The following CTNNA3 variants were observed in gnomAD, a reference collection of about 807,000 sequenced individuals.
The protein encoded by CTNNA3 is catenin alpha 3.
CTNNA3 carries 76 observed loss-of-function variants against 95.7 expected under a neutral mutation model. That is an observed-to-expected ratio of 0.79 (90% CI 0.66 to 0.96). The LOEUF is 0.96. Ranked by LOEUF, CTNNA3 falls within the 40% of genes least tolerant of loss-of-function variation. The pLI is 0.00. For missense variants in CTNNA3, 1,191 were observed against 1,089.8 expected (o/e 1.09, Z -1.31); for synonymous variants, 431 against 374.4 (o/e 1.15, Z -1.74).
At position 66,470,646 on chromosome 10, in the gene CTNNA3, G is replaced by C. The variant is rs1589294969; in HGVS notation, c.1531+49971C>G. Among the ~76,000 whole-genome samples, 4 of 151,828 alleles carry C rather than the reference G, an allele frequency of 2.6e-5. No homozygotes were observed. The South Asian group carries it at 8.3e-4, about 32-fold the overall frequency. On this transcript the variant is annotated intron_variant, in intron 11 of 17. Transcript: ENST00000433211. ...ATAAAGAAAAAGGAAGAATATATTA[G>C]AGTTGGACAAGCCAGCAAAAGAGAC...
At chr10:67,744,285 G>A (rs1214351175) in intron 1 of CTNNA3, among the ~76,000 whole-genome samples, 1 of 151,132 alleles carries the variant, frequency 6.6e-6, no homozygotes, top group African/African-American at 2.4e-5. Context: ...AAACAGCATG[G>A]TACTGGTACC....
intron 3 of CTNNA3, among the ~76,000 whole-genome samples, chr10:67,559,636 C>T (rs563720754): frequency 2.3e-4 from 35 of 152,174 alleles, no homozygotes; most frequent in Middle Eastern, 3.4e-3. Flanking sequence ...CGAAGCTGGA[C>T]GGAGAATGAC....
chr10:67,043,886 A>G (rs779106566), intron 7 of CTNNA3, among the ~76,000 whole-genome samples: 4 of 151,050 alleles, frequency 2.6e-5, no homozygotes, highest in Non-Finnish European at 5.9e-5. Context: ...TCTGTAGGCA[A>G]TCTGACAATT....
intron 7 of CTNNA3, among the ~76,000 whole-genome samples, chr10:66,789,419 C>A (rs1389018552): frequency 6.6e-6 from 1 of 152,126 alleles, no homozygotes; most frequent in African/African-American, 2.4e-5. Context: ...AGATAATCCA[C>A]CCGCCTCAGC....
intron 5 of CTNNA3, among the ~76,000 whole-genome samples, chr10:67,350,634 G>A (rs1842597774): frequency 6.7e-6 from 1 of 148,990 alleles, no homozygotes; most frequent in Admixed American, 6.7e-5. Context: ...ACCCAAAGAT[G>A]ACTGAGAAAC....
At chr10:66,655,353 C>T (rs1846039506) in intron 9 of CTNNA3, among the ~76,000 whole-genome samples, 1 of 151,906 alleles carries the variant, frequency 6.6e-6, no homozygotes, top group Non-Finnish European at 1.5e-5. Flanking sequence ...TAAACCTTAA[C>T]AGATAGTTAT....
chr10:66,148,319 A>C (rs1317396132), intron 13 of CTNNA3, among the ~76,000 whole-genome samples: 6 of 152,108 alleles, frequency 3.9e-5, no homozygotes, highest in Non-Finnish European at 7.4e-5. Flanking sequence ...AAATCTCACC[A>C]CAAAAATGTT....
chr10:66,994,612 C>T (rs1321870552), intron 7 of CTNNA3, among the ~76,000 whole-genome samples: 2 of 152,134 alleles, frequency 1.3e-5, no homozygotes, highest in African/African-American at 4.8e-5. Flanking sequence ...ATTCTTTACT[C>T]TCAACAAGGG....
intron 5 of CTNNA3, among the ~76,000 whole-genome samples, chr10:67,481,506 C>T (rs1442125594): frequency 2.0e-5 from 3 of 152,082 alleles, no homozygotes; most frequent in Non-Finnish European, 4.4e-5. Flanking sequence ...AGAGTCAAAT[C>T]AAGAATGCAA....
chr10:66,336,082 G>C (rs2092392017), intron 12 of CTNNA3, among the ~76,000 whole-genome samples: 2 of 152,092 alleles, frequency 1.3e-5, no homozygotes, highest in Non-Finnish European at 2.9e-5. Flanking sequence ...CATTGGAAAA[G>C]CGCAGTATTA....
intron 11 of CTNNA3, among the ~76,000 whole-genome samples, chr10:66,443,617 T>A (rs1322919064): frequency 6.6e-6 from 1 of 152,092 alleles, no homozygotes; most frequent in Non-Finnish European, 1.5e-5. Flanking sequence ...GAGGGTCCTG[T>A]CTGTTAGAAG....
chr10:66,568,089 A>C (rs575506931), intron 10 of CTNNA3, among the ~76,000 whole-genome samples: 1 of 152,336 alleles, frequency 6.6e-6, no homozygotes, highest in South Asian at 2.1e-4. Context: ...GACAATCAAG[A>C]AAAAGCAGGT....
At chr10:67,164,736 A>G (rs1861685896) in intron 7 of CTNNA3, among the ~76,000 whole-genome samples, 1 of 152,188 alleles carries the variant, frequency 6.6e-6, no homozygotes, top group Non-Finnish European at 1.5e-5. Flanking sequence ...AAAAAACATG[A>G]TGAGTCATTT....
At chr10:66,363,288 C>T (rs1309951374) in intron 12 of CTNNA3, among the ~76,000 whole-genome samples, 1 of 152,172 alleles carries the variant, frequency 6.6e-6, no homozygotes, top group Admixed American at 6.5e-5. Context: ...TGTTGAAACC[C>T]TAATCCCTAA....
intron 7 of CTNNA3, chr10:67,013,049 G>T (rs959588615): frequency 1.3e-5 from 2 of 152,056 alleles, no homozygotes; most frequent in African/African-American, 4.8e-5. Flanking sequence ...AAGCAATACT[G>T]TTATACATAT....
intron 5 of CTNNA3, among the ~76,000 whole-genome samples, chr10:67,316,562 T>C (rs919718879): frequency 1.3e-5 from 2 of 152,160 alleles, no homozygotes; most frequent in African/African-American, 2.4e-5. Context: ...TTTTTGGGTA[T>C]GACATTGATC....
At chr10:66,761,617 ATTAAGTGATAGCCAT>A (rs1839602634) in intron 9 of CTNNA3, among the ~76,000 whole-genome samples, 1 of 152,182 alleles carries the variant, frequency 6.6e-6, no homozygotes, top group Non-Finnish European at 1.5e-5. Context: ...TTAGAGAAAT[ATTAAGTGATAGCCAT>A]TTAATCATAA....
Position 66,762,787 on chromosome 10 carries a change from C to T in CTNNA3, c.1281+3477G>A, listed in dbSNP as rs117051905. 2.6e-3 allele frequency among the ~76,000 whole-genome samples: 396 copies of T among 152,018 alleles called. 13 individuals carry two copies. The East Asian group carries it at 0.057, about 22-fold the overall frequency. On this transcript the variant is annotated intron_variant, in intron 9 of 17. Coordinates refer to ENST00000433211, the MANE Select transcript of CTNNA3 (RefSeq NM_013266.4). ...TTACTATCTTTTTGTAAAAGTTACA[C>T]GTTAACCATTATTTAAAGAGTTCCT...
intron 2 of CTNNA3, among the ~76,000 whole-genome samples, chr10:67,639,772 T>C (rs1026451308): frequency 1.4e-4 from 22 of 152,112 alleles, no homozygotes; most frequent in African/African-American, 4.8e-4. Context: ...ATTATCTCAA[T>C]AGATGCAGAA....
Sources: gnomAD v4.1 joint callset for allele counts (sites outside exome capture counted in the v4.1 genomes callset) on GRCh38, gnomAD v4.1.1 for gene constraint, MANE v1.5 for transcripts, NCBI Gene and HGNC (gene_info 2026-07-23, HGNC 2026-07-21) for gene names.